UVRAG: variants seen among roughly 807,000 people sequenced by gnomAD.
The protein encoded by UVRAG is UV radiation resistance associated, also known as UV radiation resistance-associated gene protein.
A neutral mutation model predicts 78.0 loss-of-function variants in UVRAG; 19 were observed. That is an observed-to-expected ratio of 0.24 (90% CI 0.17 to 0.36). The LOEUF is 0.36. UVRAG is among the 10% of genes least tolerant of loss of function. UVRAG has a pLI of 1.00. For synonymous variants in UVRAG, 323 were observed against 324.6 expected (o/e 1.00, Z 0.05); for missense variants, 740 against 853.8 (o/e 0.87, Z 1.66).
intron 4 of UVRAG, among the ~76,000 whole-genome samples, chr11:75,888,600 G>T (rs1947146942): frequency 6.6e-6 from 1 of 152,178 alleles, no homozygotes; most frequent in Non-Finnish European, 1.5e-5. Context: ...GTGAGTGATG[G>T]TGCCTGTGAT....
intron 8 of UVRAG, among the ~76,000 whole-genome samples, chr11:75,995,553 A>G (rs746830534): frequency 6.7e-6 from 1 of 150,054 alleles, no homozygotes; most frequent in Admixed American, 6.7e-5. Context: ...AGTTTGTTCT[A>G]TTTAATTAGC....
intron 5 of UVRAG, among the ~76,000 whole-genome samples, chr11:75,903,974 C>T (rs942750083): frequency 4.6e-5 from 7 of 152,150 alleles, no homozygotes; most frequent in Admixed American, 2.0e-4. Flanking sequence ...TGTTTTAAAA[C>T]GTGACTCATC....
At chr11:75,891,898 C>G (rs1947219944) in intron 5 of UVRAG, among the ~76,000 whole-genome samples, 1 of 151,744 alleles carries the variant, frequency 6.6e-6, no homozygotes, top group Non-Finnish European at 1.5e-5. Context: ...TGGACGAGAC[C>G]CTGTCTCAGG....
rs187512269 is a variant in UVRAG at position 75,897,627 on chromosome 11, C to T, written c.507+8724C>T. ...GCAACCTCTGCCTCCCAGGTTCAATCGGTTACCTGCTTCAGCCTCCCGAGT... is the reference window on the plus strand; with the variant it reads ...GCAACCTCTGCCTCCCAGGTTCAATTGGTTACCTGCTTCAGCCTCCCGAGT... On this transcript the variant is annotated intron_variant, in intron 5 of 14. Transcript: ENST00000356136. Among the ~76,000 whole-genome samples the T allele has an allele frequency of 1.5e-4, 22 of 151,590 alleles. No individual in the cohort carries two copies. In the East Asian group the frequency reaches 2.9e-3, roughly 20 times the overall value.
intron 2 of UVRAG, among the ~76,000 whole-genome samples, chr11:75,858,902 G>A (rs1265134903): frequency 6.6e-6 from 1 of 152,202 alleles, no homozygotes; most frequent in African/African-American, 2.4e-5. Context: ...GTATTAGGAT[G>A]AGGCACTTAA....
chr11:75,948,635 G>A (rs1948626110), intron 6 of UVRAG, among the ~76,000 whole-genome samples: 1 of 152,126 alleles, frequency 6.6e-6, no homozygotes, highest in Non-Finnish European at 1.5e-5. Context: ...GAAAAATGTA[G>A]ATCACGCCTT....
chr11:75,816,175 G>C (rs1945259775), intron 1 of UVRAG, among the ~76,000 whole-genome samples: 1 of 152,144 alleles, frequency 6.6e-6, no homozygotes, highest in South Asian at 2.1e-4. Context: ...GAGTCTCTGT[G>C]GAAGGAGGAT....
chr11:75,877,503 C>CG (rs1224850609), intron 3 of UVRAG, among the ~76,000 whole-genome samples: 6 of 144,778 alleles, frequency 4.1e-5, no homozygotes, highest in Non-Finnish European at 7.6e-5. Context: ...GCTGGCTGGG[C>CG]GGGGGGTGAC....
chr11:75,872,150 T>C (rs1946665531), intron 3 of UVRAG, among the ~76,000 whole-genome samples: 1 of 152,204 alleles, frequency 6.6e-6, no homozygotes, highest in South Asian at 2.1e-4. Context: ...TAGTAAAATA[T>C]TACCATTTGA....
chr11:76,007,338 A>G (rs979979453), intron 9 of UVRAG, among the ~76,000 whole-genome samples, 196 bp from the exon 10 acceptor site: 1 of 152,162 alleles, frequency 6.6e-6, no homozygotes, highest in Non-Finnish European at 1.5e-5. Flanking sequence ...AGCACTCAGT[A>G]TATAGTTAGC....
intron 13 of UVRAG, among the ~76,000 whole-genome samples, chr11:76,115,331 A>G (rs1366343987): frequency 2.0e-5 from 3 of 152,232 alleles, no homozygotes; most frequent in Non-Finnish European, 4.4e-5. Context: ...ACAAAGAGGA[A>G]CGTTAGAGAC....
chr11:76,086,672 A>G (rs1397048287), intron 13 of UVRAG, among the ~76,000 whole-genome samples: 1 of 152,372 alleles, frequency 6.6e-6, no homozygotes, highest in Non-Finnish European at 1.5e-5. Flanking sequence ...GTGATTTAAT[A>G]TGAAAGATCA....
At chr11:76,011,045 C>A (rs907581185) in intron 11 of UVRAG, among the ~76,000 whole-genome samples, 10 of 152,130 alleles carry the variant, frequency 6.6e-5, no homozygotes, top group Non-Finnish European at 1.5e-5. Flanking sequence ...TCTGATTACT[C>A]TGAGATGTGT....
chr11:75,959,967 G>A (rs1471536097), intron 6 of UVRAG, among the ~76,000 whole-genome samples: 5 of 152,154 alleles, frequency 3.3e-5, no homozygotes, highest in Non-Finnish European at 5.9e-5. Context: ...AACATTTATC[G>A]ATAAAGTTCA....
chr11:76,037,268 G>A (rs1379411842), intron 12 of UVRAG, among the ~76,000 whole-genome samples: 2 of 151,968 alleles, frequency 1.3e-5, no homozygotes, highest in Non-Finnish European at 2.9e-5. Context: ...ATGAGTCAAT[G>A]GCTCAGCATT....
intron 7 of UVRAG, among the ~76,000 whole-genome samples, chr11:75,967,199 A>G (rs968934297): frequency 1.3e-5 from 2 of 152,204 alleles, no homozygotes; most frequent in South Asian, 2.1e-4. Context: ...TCCATAGTCT[A>G]TATCTTCTAT....
At chr11:76,021,216 G>A (rs992795057) in intron 12 of UVRAG, among the ~76,000 whole-genome samples, 4 of 152,164 alleles carry the variant, frequency 2.6e-5, no homozygotes, top group African/African-American at 7.2e-5. Flanking sequence ...TCTTATGTAG[G>A]TGCTTTTTTG....
At chr11:75,975,726 G>A (rs1342716418) in intron 7 of UVRAG, among the ~76,000 whole-genome samples, 1 of 152,210 alleles carries the variant, frequency 6.6e-6, no homozygotes, top group Non-Finnish European at 1.5e-5. Context: ...TGTATCCTGA[G>A]ACTTTGCTGC....
At chr11:75,851,770 A>C in intron 1 of UVRAG, 113 bp from the exon 2 acceptor site, 1 of 808,740 alleles carries the variant, frequency 1.2e-6, no homozygotes, top group Non-Finnish European at 2.0e-6. Flanking sequence ...TTCTGGCTCA[A>C]TAAATAAATG....
Sources: allele counts gnomAD v4.1 joint callset (sites outside exome capture counted in the v4.1 genomes callset), GRCh38; gene constraint gnomAD v4.1.1; transcripts MANE v1.5; gene names NCBI Gene and HGNC (gene_info 2026-07-23, HGNC 2026-07-21).